Variants in EIF4E3 observed in about 807,000 individuals in gnomAD.
The protein encoded by EIF4E3 is eukaryotic translation initiation factor 4E family member 3.
EIF4E3 carries 26 observed loss-of-function variants against 31.7 expected under a neutral mutation model. That is an observed-to-expected ratio of 0.82 (90% CI 0.60 to 1.14). EIF4E3 has a LOEUF of 1.14. Among genes scored for constraint, EIF4E3 ranks in the 50% most tolerant of loss-of-function variants. The pLI, the probability that EIF4E3 is intolerant of heterozygous loss-of-function variation, is 0.00. For synonymous variants in EIF4E3, 128 were observed against 107.7 expected, an observed-to-expected ratio of 1.19 and a Z score of -1.17; for missense variants, 304 against 270.9, an observed-to-expected ratio of 1.12 and a Z score of -0.86.
At chr3:71,685,518 C>A (rs973083696) in intron 6 of EIF4E3, among the ~76,000 whole-genome samples, 1 of 152,020 alleles carries the variant, frequency 6.6e-6, no homozygotes, top group Non-Finnish European at 1.5e-5. Context: ...TGTGCCACCA[C>A]GTCCAGCTAA....
At chr3:71,752,503 G>C (rs1276936133) in intron 1 of EIF4E3, among the ~76,000 whole-genome samples, 1 of 152,032 alleles carries the variant, frequency 6.6e-6, no homozygotes, top group Non-Finnish European at 1.5e-5. Context: ...GCCCATCAAG[G>C]TGCCTGCCTT....
chr3:71,735,314 T>C (rs1214869786), intron 1 of EIF4E3, among the ~76,000 whole-genome samples: 1 of 152,138 alleles, frequency 6.6e-6, no homozygotes, highest in Non-Finnish European at 1.5e-5. Context: ...AAAGAATTGG[T>C]GCGTAAATAA....
upstream of EIF4E3, among the ~76,000 whole-genome samples, chr3:71,753,833 G>A: frequency 6.7e-6 from 1 of 148,502 alleles, no homozygotes; most frequent in East Asian, 1.9e-4. Context: ...GCAGGGAGTG[G>A]CCGCCTCCTC....
chr3:71,694,531 C>A (rs2049108006), intron 4 of EIF4E3, among the ~76,000 whole-genome samples: 1 of 151,640 alleles, frequency 6.6e-6, no homozygotes, highest in East Asian at 2.0e-4. Flanking sequence ...AGTGCACGCT[C>A]CGGTCTGCCT....
Position 71,714,273 on chromosome 3 carries a change from A to AAG in EIF4E3, c.177-3790_177-3789insCT, listed in dbSNP as rs1559602527. 1.2e-3 allele frequency among the ~76,000 whole-genome samples: 145 copies of AAG among 125,366 alleles called. 2 individuals carry two copies. The highest frequency in any genetic ancestry group is 3.0e-3 in the East Asian group (14 of 4,684). 82.2% of individuals were successfully genotyped at this position (125,366 alleles called of 152,430 possible). ...AGGAAGGAAGGAAGGAAGGAAGGAA[A>AAG]GAAGGAAGGAAGGAAGGAAGGAAGG... is the stretch of plus-strand genomic sequence containing the variant. On this transcript the variant is annotated intron_variant, in intron 1 of 6. Transcript: ENST00000425534.
chr3:71,670,399 T>C, the EIF4E3 span, among the ~76,000 whole-genome samples: 3 of 151,976 alleles, frequency 2.0e-5, no homozygotes, highest in African/African-American at 7.3e-5. Context: ...CCTTCCTAAA[T>C]CTCCTCCATT....
At chr3:71,692,566 C>G (rs1178605929) in intron 5 of EIF4E3, among the ~76,000 whole-genome samples, 1 of 150,648 alleles carries the variant, frequency 6.6e-6, no homozygotes, top group Admixed American at 6.6e-5. Flanking sequence ...GGAATCTGTA[C>G]TTATAGACAA....
intron 1 of EIF4E3, among the ~76,000 whole-genome samples, chr3:71,720,197 T>C (rs911910628): frequency 2.6e-5 from 4 of 152,046 alleles, no homozygotes; most frequent in African/African-American, 9.6e-5. Flanking sequence ...TAAGTATTTG[T>C]AGAGGCGGGT....
chr3:71,700,612 TAA>T (rs377334249), intron 2 of EIF4E3, among the ~76,000 whole-genome samples: 8,454 of 127,256 alleles, frequency 0.066, 393 homozygotes, highest in African/African-American at 0.14. Flanking sequence ...AGACTCCGTT[TAA>T]AAAAAAAAAA....
At chr3:71,710,353 G>C (rs2049357637) in intron 2 of EIF4E3, 59 bp downstream of exon 2, 3 of 1,516,144 alleles carry the variant, frequency 2.0e-6, no homozygotes, top group Non-Finnish European at 2.7e-6. Flanking sequence ...TTTCAAGTTG[G>C]GTGATTAGGT....
chr3:71,749,495 A>C (rs1344822735), intron 1 of EIF4E3, among the ~76,000 whole-genome samples: 2 of 152,194 alleles, frequency 1.3e-5, no homozygotes, highest in African/African-American at 4.8e-5. Flanking sequence ...TTGGTGTTTA[A>C]TGTACCTATT....
chr3:71,672,615 G>C (rs1370993348), downstream of EIF4E3, among the ~76,000 whole-genome samples: 1 of 152,112 alleles, frequency 6.6e-6, no homozygotes, highest in East Asian at 1.9e-4. Context: ...AATCAAGTTT[G>C]ATTAATTTGT....
At chr3:71,721,033 G>C (rs2049540239) in intron 1 of EIF4E3, among the ~76,000 whole-genome samples, 1 of 152,170 alleles carries the variant, frequency 6.6e-6, no homozygotes, top group Non-Finnish European at 1.5e-5. Context: ...AAAAGAAAGA[G>C]AATAGAGAGA....
At chr3:71,689,193 T>C (rs2049030673) in intron 6 of EIF4E3, among the ~76,000 whole-genome samples, 1 of 152,204 alleles carries the variant, frequency 6.6e-6, no homozygotes, top group African/African-American at 2.4e-5. Flanking sequence ...CATTTTATCT[T>C]CAAGAGCATC....
At chr3:71,707,192 T>C (rs2049305654) in intron 2 of EIF4E3, among the ~76,000 whole-genome samples, 1 of 152,240 alleles carries the variant, frequency 6.6e-6, no homozygotes, top group African/African-American at 2.4e-5. Context: ...TTTTACCTCA[T>C]TGTATCATTT....
intron 2 of EIF4E3, among the ~76,000 whole-genome samples, chr3:71,704,018 G>A (rs1559597564): frequency 6.6e-6 from 1 of 152,214 alleles, no homozygotes; most frequent in African/African-American, 2.4e-5. Flanking sequence ...AGAGTTTAAT[G>A]GATGTTTTTA....
chr3:71,712,918 T>G (rs1190203525), intron 1 of EIF4E3, among the ~76,000 whole-genome samples: 2 of 150,976 alleles, frequency 1.3e-5, no homozygotes. Flanking sequence ...AATGCCTCCG[T>G]CTCCACAGTC....
At chr3:71,749,698 G>A (rs1434838020) in intron 1 of EIF4E3, among the ~76,000 whole-genome samples, 1 of 152,054 alleles carries the variant, frequency 6.6e-6, no homozygotes, top group East Asian at 1.9e-4. Context: ...GATTTGGGGA[G>A]TGGGGGTGGG....
chr3:71,667,380 T>C, the EIF4E3 span, among the ~76,000 whole-genome samples: 4 of 152,226 alleles, frequency 2.6e-5, no homozygotes, highest in Middle Eastern at 3.4e-3. Context: ...CTATTCAACA[T>C]AGTATTGGAA....
Sources: allele counts gnomAD v4.1 joint callset (sites outside exome capture counted in the v4.1 genomes callset), GRCh38; gene constraint gnomAD v4.1.1; transcripts MANE v1.5; gene names NCBI Gene and HGNC (gene_info 2026-07-23, HGNC 2026-07-21).